Variants in SFMBT2 observed in about 807,000 individuals in gnomAD.
The protein encoded by SFMBT2 is Scm like with four mbt domains 2.
Under a neutral mutation model 110.1 loss-of-function variants are expected in SFMBT2, and 38 were observed. The ratio of observed to expected loss-of-function variants is 0.35; its 90% CI spans 0.27 to 0.45. SFMBT2 has a LOEUF of 0.45. Among genes scored for constraint, SFMBT2 ranks in the 20% least tolerant of loss-of-function variants. The pLI, the probability that SFMBT2 is intolerant of heterozygous loss-of-function variation, is 1.00. For missense variants in SFMBT2, 1,011 were observed against 1,094.9 expected (o/e 0.92, Z 1.08); for synonymous variants, 425 against 425.4 (o/e 1.00, Z 0.01).
At chr10:7,202,892 T>C (rs2762602) in intron 12 of SFMBT2, 22,468 of 985,450 alleles carry the variant, frequency 0.023, 276 homozygotes, top group Non-Finnish European at 0.025. Context: ...AAAATTGTGA[T>C]GAAGCAAATC....
chr10:7,401,229 G>C (rs544659420), intron 1 of SFMBT2, among the ~76,000 whole-genome samples: 2 of 152,294 alleles, frequency 1.3e-5, no homozygotes, highest in South Asian at 4.1e-4. Flanking sequence ...GACCTTAAAA[G>C]GCTCCTTTTC....
chr10:7,221,892 C>G lies in SFMBT2; in HGVS notation c.1204-1355G>C, dbSNP rs184686685. On this transcript the variant is annotated intron_variant, in intron 10 of 20. Transcript: ENST00000397167. ...AACACACAGAACCATCCCTTCACCC[C>G]CAAAATACCCTTGCATTGGGGACCT... 2.3e-3 allele frequency among the ~76,000 whole-genome samples: 354 copies of G among 152,302 alleles called. 3 individuals carry two copies. The highest frequency in any genetic ancestry group is 8.2e-3 in the African/African-American group (342 of 41,546).
chr10:7,223,582 G>T (rs1330371517), intron 10 of SFMBT2, among the ~76,000 whole-genome samples: 1 of 152,100 alleles, frequency 6.6e-6, no homozygotes, highest in Non-Finnish European at 1.5e-5. Flanking sequence ...TCAAGGTCAT[G>T]GACTCTTTCC....
intron 16 of SFMBT2, among the ~76,000 whole-genome samples, chr10:7,177,233 G>A (rs568381585): frequency 1.3e-5 from 2 of 152,280 alleles, no homozygotes; most frequent in East Asian, 1.9e-4. Flanking sequence ...GAGAATGCAC[G>A]CTGGAATCAA....
At chr10:7,179,322 G>A (rs1285771872) in intron 16 of SFMBT2, among the ~76,000 whole-genome samples, 1 of 140,710 alleles carries the variant, frequency 7.1e-6, no homozygotes, top group Non-Finnish European at 1.5e-5. Flanking sequence ...TTCCCTCTCC[G>A]TGCCTTTGAA....
intron 1 of SFMBT2, among the ~76,000 whole-genome samples, chr10:7,393,105 T>G (rs1300776619): frequency 6.8e-6 from 1 of 148,028 alleles, no homozygotes; most frequent in African/African-American, 2.5e-5. Flanking sequence ...TGATCTCAGC[T>G]CACTCAACCT....
chr10:7,198,210 C>G lies in SFMBT2; in HGVS notation c.1559-523G>C, dbSNP rs578077853. The G allele has an allele frequency of 9.7e-6, 9 of 927,638 alleles. No individual in the cohort carries two copies. In the East Asian group the frequency reaches 1.1e-3, roughly 109 times the overall value. 57.5% of individuals were successfully genotyped at this position (927,638 alleles called of 1,614,324 possible). A position where few individuals can be genotyped will look rare whatever the true frequency, so the allele number is the denominator to read the frequency against. Reference sequence around the variant, plus strand: ...TTAACAAGAAGTTTCTGAGATATATCCAAGTTGGTAAATGCGGATCTAGAA... The same window carrying G: ...TTAACAAGAAGTTTCTGAGATATATGCAAGTTGGTAAATGCGGATCTAGAA... On this transcript the variant is annotated intron_variant, in intron 14 of 20. Coordinates refer to ENST00000397167, the MANE Select transcript of SFMBT2 (RefSeq NM_001387889.1).
chr10:7,394,632 T>C (rs75786308), intron 1 of SFMBT2, among the ~76,000 whole-genome samples: 5,222 of 151,804 alleles, frequency 0.034, 120 homozygotes, highest in African/African-American at 0.066. Context: ...TCATTAATAA[T>C]GGTCTTGCTT....
At chr10:7,282,202 TTA>T (rs1841964160) in intron 6 of SFMBT2, among the ~76,000 whole-genome samples, 1 of 152,166 alleles carries the variant, frequency 6.6e-6, no homozygotes, top group South Asian at 2.1e-4. Context: ...TATTCATATA[TTA>T]TAAAGACCCC....
intron 4 of SFMBT2, among the ~76,000 whole-genome samples, chr10:7,311,941 G>A (rs895950704): frequency 2.0e-5 from 3 of 152,014 alleles, no homozygotes; most frequent in African/African-American, 7.3e-5. Flanking sequence ...TCATTTCCCT[G>A]GCCCAGAATG....
At chr10:7,262,726 G>C (rs1235508588) in intron 7 of SFMBT2, among the ~76,000 whole-genome samples, 1 of 152,220 alleles carries the variant, frequency 6.6e-6, no homozygotes, top group African/African-American at 2.4e-5. Flanking sequence ...ACTCTGTATA[G>C]ATCTGGATTT....
At chr10:7,166,373 C>T (rs1372338350) in intron 20 of SFMBT2, among the ~76,000 whole-genome samples, 1 of 152,234 alleles carries the variant, frequency 6.6e-6, no homozygotes, top group African/African-American at 2.4e-5. Context: ...GTGATTCAAT[C>T]ACCACTGACT....
chr10:7,403,896 C>T (rs1168488217), intron 1 of SFMBT2, among the ~76,000 whole-genome samples: 1 of 152,056 alleles, frequency 6.6e-6, no homozygotes, highest in African/African-American at 2.4e-5. Context: ...GAGTCACTGG[C>T]CAACAGCAGA....
chr10:7,317,752 C>G (rs770713110), intron 4 of SFMBT2, among the ~76,000 whole-genome samples: 1 of 151,346 alleles, frequency 6.6e-6, no homozygotes, highest in Non-Finnish European at 1.5e-5. Context: ...TGTGAACCTG[C>G]GTAAGGAAAA....
At chr10:7,168,126 TTCCTAGAAGG>T (rs1837751513) in intron 20 of SFMBT2, among the ~76,000 whole-genome samples, 3 of 152,000 alleles carry the variant, frequency 2.0e-5, no homozygotes, top group African/African-American at 7.3e-5. Context: ...AGTGTTCCAT[TTCCTAGAAGG>T]CTTAGCTTAG....
At chr10:7,375,878 G>T (rs1297299302) in intron 2 of SFMBT2, among the ~76,000 whole-genome samples, 2 of 151,534 alleles carry the variant, frequency 1.3e-5, no homozygotes, top group Non-Finnish European at 2.9e-5. Context: ...AGTCACACAG[G>T]ACCAGTTCCC....
chr10:7,345,608 T>C (rs1844086089), intron 4 of SFMBT2, among the ~76,000 whole-genome samples: 1 of 152,210 alleles, frequency 6.6e-6, no homozygotes. Flanking sequence ...CTACCCACCT[T>C]GGCCTCCCAA....
At chr10:7,314,937 GAGAA>G in intron 4 of SFMBT2, among the ~76,000 whole-genome samples, 1 of 149,092 alleles carries the variant, frequency 6.7e-6, no homozygotes, top group Non-Finnish European at 1.5e-5. Context: ...GAGAGAGAGA[GAGAA>G]AGAGAAAGAG....
intron 7 of SFMBT2, among the ~76,000 whole-genome samples, chr10:7,260,959 TA>T (rs376826814): frequency 0.083 from 12,134 of 145,608 alleles, 604 homozygotes; most frequent in Non-Finnish European, 0.11. Flanking sequence ...AAAGAAACAT[TA>T]AAAAAAAAAA....
Sources: allele counts gnomAD v4.1 joint callset (sites outside exome capture counted in the v4.1 genomes callset), GRCh38; gene constraint gnomAD v4.1.1; transcripts MANE v1.5; gene names NCBI Gene and HGNC (gene_info 2026-07-23, HGNC 2026-07-21).